The following ABL1 variants were observed in gnomAD, a reference collection of about 807,000 sequenced individuals.
ABL1 encodes the protein tyrosine-protein kinase ABL1.
Under a neutral mutation model 94.7 loss-of-function variants are expected in ABL1, and 11 were observed. That is an observed-to-expected ratio of 0.12 (90% confidence interval 0.07 to 0.19). The LOEUF (loss-of-function observed/expected upper bound fraction) is 0.19, where lower values mean the gene tolerates loss of function less well. ABL1 is among the 10% of genes least tolerant of loss of function. The pLI, the probability that ABL1 is intolerant of heterozygous loss-of-function variation, is 1.00. For missense variants in ABL1, 1,082 were observed against 1,489.4 expected (o/e 0.73, Z 4.50); for synonymous variants, 656 against 622.4 (o/e 1.05, Z -0.80).
chr9:130,728,666 A>G (rs1037440000), intron 1 of ABL1, among the ~76,000 whole-genome samples: 1 of 150,492 alleles, frequency 6.6e-6, no homozygotes, highest in African/African-American at 2.5e-5. Flanking sequence ...CTGGGATTAC[A>G]GGCATGAGCC....
chr9:130,833,963 C>T (rs910513527), upstream of ABL1: 4 of 451,012 alleles, frequency 8.9e-6, no homozygotes, highest in African/African-American at 8.0e-5. Flanking sequence ...TGCTTTAATC[C>T]ACTTGGAATT....
chr9:130,838,567 A>G (rs1408546325), intron 1 of ABL1, among the ~76,000 whole-genome samples: 1 of 142,816 alleles, frequency 7.0e-6, no homozygotes, highest in Non-Finnish European at 1.5e-5. Flanking sequence ...CTGTGTGCAC[A>G]TATAAGCATT....
chr9:130,847,716 G>A (rs1830794752), intron 1 of ABL1, among the ~76,000 whole-genome samples: 1 of 152,200 alleles, frequency 6.6e-6, no homozygotes, highest in African/African-American at 2.4e-5. Flanking sequence ...TTGTGGAATA[G>A]AGCAAGAACT....
At position 130,854,077 on chromosome 9, in the gene ABL1, G is replaced by T; in HGVS notation, c.93G>T (p.Arg31=). Residue 31 remains arginine (R), a synonymous_variant, in exon 2 of 11, where the codon CGG becomes CGT. Coordinates refer to ENST00000318560, the MANE Select transcript of ABL1 (RefSeq NM_005157.6). ...TTTCTCTTCCAGAAGCCCTTCAGCG[G>T]CCAGTAGCATCTGACTTTGAGCCTC... ...SSCYLEEALQ[R]PVASDFEPQG... 1 of 1,613,144 alleles carries T rather than the reference G, an allele frequency of 6.2e-7. No individual in the cohort carries two copies. Among genetic ancestry groups the T allele is most frequent in the South Asian group, 1.1e-5 (1 of 90,910 alleles).
At position 130,830,184 on chromosome 9, in the gene ABL1, G is replaced by A. The variant is rs545129236; in HGVS notation, c.137-23880G>A. ...TCCTTCTAGAGAAAAATGTTTAACA[G>A]TTAGGTTTAGACTTGTTAATTATAA... On this transcript the variant is annotated intron_variant, in intron 1 of 10. Coordinates refer to the ABL1 transcript ENST00000372348. Among the ~76,000 whole-genome samples, 11 of 152,294 alleles carry A rather than the reference G, an allele frequency of 7.2e-5. No individual in the cohort carries two copies. In the South Asian group the frequency reaches 2.1e-3, roughly 29 times the overall value.
intron 1 of ABL1, among the ~76,000 whole-genome samples, chr9:130,752,398 T>C (rs997223447): frequency 2.0e-5 from 3 of 152,130 alleles, no homozygotes; most frequent in African/African-American, 7.2e-5. Flanking sequence ...CTACCAAATA[T>C]CTATAATATC....
intron 1 of ABL1, among the ~76,000 whole-genome samples, chr9:130,786,855 A>G (rs915581164): frequency 6.6e-6 from 1 of 152,248 alleles, no homozygotes; most frequent in Non-Finnish European, 1.5e-5. Flanking sequence ...TAAGTGAAAA[A>G]AACATCTTGG....
At chr9:130,829,265 A>G (rs947577322) in intron 1 of ABL1, among the ~76,000 whole-genome samples, 16 of 152,194 alleles carry the variant, frequency 1.1e-4, no homozygotes, top group African/African-American at 7.2e-5. Context: ...AAGTCAGTCA[A>G]TAAGTAGAAC....
intron 1 of ABL1, among the ~76,000 whole-genome samples, chr9:130,846,075 G>A (rs1363768193): frequency 2.3e-5 from 3 of 130,694 alleles, no homozygotes; most frequent in South Asian, 2.2e-4. Context: ...TCAGTTAAAC[G>A]TATGTCTGTG....
At chr9:130,882,915 A>G (rs1831486590) in intron 10 of ABL1, among the ~76,000 whole-genome samples, 1 of 151,990 alleles carries the variant, frequency 6.6e-6, no homozygotes, top group Non-Finnish European at 1.5e-5. Context: ...GGTGGCTCAC[A>G]CCTGTAATCC....
At chr9:130,769,327 G>GTTTTT (rs1234290296) in intron 1 of ABL1, among the ~76,000 whole-genome samples, 5 of 112,908 alleles carry the variant, frequency 4.4e-5, no homozygotes, top group African/African-American at 1.4e-4. Context: ...TATGGCCCTA[G>GTTTTT]TCTTTTTTTT....
intron 6 of ABL1, 115 bp from the exon 7 acceptor site, chr9:130,874,753 G>A (rs1831312937): frequency 8.9e-7 from 1 of 1,124,386 alleles, no homozygotes; most frequent in Non-Finnish European, 1.3e-6. Flanking sequence ...CAAACTTCCA[G>A]GGCATTGGAC....
At chr9:130,775,994 G>A (rs1410383372) in intron 1 of ABL1, among the ~76,000 whole-genome samples, 1 of 152,086 alleles carries the variant, frequency 6.6e-6, no homozygotes, top group Non-Finnish European at 1.5e-5. Flanking sequence ...AGTAATGAGA[G>A]CATGATAATG....
intron 1 of ABL1, among the ~76,000 whole-genome samples, chr9:130,789,822 A>C (rs544128567): frequency 7.9e-5 from 12 of 152,368 alleles, no homozygotes; most frequent in African/African-American, 2.6e-4. Flanking sequence ...GAAACAGCAG[A>C]AACCAGAATT....
chr9:130,857,518 T>C (rs545628359), intron 3 of ABL1, among the ~76,000 whole-genome samples: 21 of 152,292 alleles, frequency 1.4e-4, no homozygotes, highest in South Asian at 1.2e-3. Context: ...CCTGTTGACC[T>C]CTCTGTTCTC....
In ABL1 at chr9:130,835,536, G is replaced by C. The variant is rs968147442; in HGVS notation, c.79+11G>C. 6 of 1,550,108 alleles carry C rather than the reference G, an allele frequency of 3.9e-6. No individual in the cohort carries two copies. The highest frequency in any genetic ancestry group is 5.2e-6 in the Non-Finnish European group (6 of 1,145,894). ...GCTGTTATCTGGAAGGTAAGCCCGG[G>C]CCGCACGGGTTGGGCTGAGTAGCCG... On this transcript the variant is annotated intron_variant, in intron 1 of 10. Transcript: ENST00000318560. This position sits in a 1 kb window ranked among gnomAD's most constrained non-coding sequence, Gnocchi z 4.6.
At chr9:130,803,201 G>A (rs543945507) in intron 1 of ABL1, among the ~76,000 whole-genome samples, 5 of 152,078 alleles carry the variant, frequency 3.3e-5, no homozygotes, top group South Asian at 4.1e-4. Flanking sequence ...CACCACGCCC[G>A]GCTAATTTTT....
intron 1 of ABL1, among the ~76,000 whole-genome samples, chr9:130,727,232 A>AG (rs1831598356): frequency 7.1e-6 from 1 of 140,454 alleles, no homozygotes; most frequent in Admixed American, 7.2e-5. Flanking sequence ...AGCTTTGCTG[A>AG]GGTTTTTTTT....
At chr9:130,847,818 C>T (rs1413269978) in intron 1 of ABL1, among the ~76,000 whole-genome samples, 3 of 152,204 alleles carry the variant, frequency 2.0e-5, no homozygotes, top group Non-Finnish European at 4.4e-5. Context: ...ACAAAGGCCT[C>T]ATCCTCTTGC....
Sources: allele counts gnomAD v4.1 joint callset (sites outside exome capture counted in the v4.1 genomes callset), GRCh38; gene constraint gnomAD v4.1.1; non-coding constraint Gnocchi (gnomAD v3.1); transcripts MANE v1.5; gene names NCBI Gene and HGNC (gene_info 2026-07-23, HGNC 2026-07-21).